Variants in CPNE8 observed in about 807,000 individuals in gnomAD.
CPNE8 encodes the protein copine-8.
CPNE8 carries 45 observed loss-of-function variants against 81.5 expected under a neutral mutation model. That is an observed-to-expected ratio of 0.55 (90% CI 0.44 to 0.71). The LOEUF is 0.71. Ranked by LOEUF, CPNE8 falls within the 30% of genes least tolerant of loss-of-function variation. The probability of loss-of-function intolerance (pLI) is 0.00; values close to 1 mark genes in which losing one functional copy is unlikely to be tolerated. For synonymous variants in CPNE8, 252 were observed against 226.3 expected, an observed-to-expected ratio of 1.11 and a Z score of -1.02; for missense variants, 594 against 672.1, an observed-to-expected ratio of 0.88 and a Z score of 1.28.
At chr12:38,678,864 A>G (rs1939348597) in intron 16 of CPNE8, among the ~76,000 whole-genome samples, 1 of 151,856 alleles carries the variant, frequency 6.6e-6, no homozygotes, top group Non-Finnish European at 1.5e-5. Flanking sequence ...ATATCCCCAT[A>G]ATACTGAACA....
intron 11 of CPNE8, among the ~76,000 whole-genome samples, chr12:38,728,203 A>G (rs931017175): frequency 2.6e-5 from 4 of 152,310 alleles, no homozygotes; most frequent in African/African-American, 9.6e-5. Flanking sequence ...AGTATAGCCC[A>G]CACTTTTCTA....
intron 10 of CPNE8, among the ~76,000 whole-genome samples, chr12:38,734,172 C>G (rs555623485): frequency 6.6e-6 from 1 of 152,074 alleles, no homozygotes; most frequent in African/African-American, 2.4e-5. Context: ...TCTCAGGATT[C>G]CCAGCATCCC....
chr12:38,797,848 G>A (rs1452439992), intron 6 of CPNE8, among the ~76,000 whole-genome samples: 4 of 152,130 alleles, frequency 2.6e-5, no homozygotes, highest in Non-Finnish European at 5.9e-5. Flanking sequence ...ACAGAAAAGT[G>A]CTTAAAGGAG....
At chr12:38,659,210 G>A (rs1938895110) in intron 19 of CPNE8, among the ~76,000 whole-genome samples, 1 of 115,502 alleles carries the variant, frequency 8.7e-6, no homozygotes. Context: ...GATCTACCAA[G>A]CAAATGGAAA....
chr12:38,727,079 T>C (rs1168705436), intron 11 of CPNE8, among the ~76,000 whole-genome samples: 1 of 152,160 alleles, frequency 6.6e-6, no homozygotes, highest in Non-Finnish European at 1.5e-5. Context: ...CTCTGCAAAG[T>C]TGCTTGTCCA....
chr12:38,891,777 C>T (rs1396315126), intron 1 of CPNE8, among the ~76,000 whole-genome samples: 2 of 152,300 alleles, frequency 1.3e-5, no homozygotes, highest in East Asian at 3.9e-4. Flanking sequence ...AGGGTATAAA[C>T]ATATAATGTA....
chr12:38,874,404 A>G (rs886817140), intron 2 of CPNE8, 67 bp downstream of exon 2: 1 of 1,162,746 alleles, frequency 8.6e-7, no homozygotes, highest in Non-Finnish European at 1.3e-6. Flanking sequence ...TTAAACAAGA[A>G]CTATGAGTTT....
chr12:38,698,373 T>G (rs1039161949), intron 14 of CPNE8, among the ~76,000 whole-genome samples: 2 of 152,232 alleles, frequency 1.3e-5, no homozygotes, highest in Admixed American at 1.3e-4. Flanking sequence ...ATTTTCTTGA[T>G]AGTGCCCTTC....
intron 1 of CPNE8, among the ~76,000 whole-genome samples, chr12:38,889,301 A>T (rs1278026972): frequency 6.6e-6 from 1 of 152,216 alleles, no homozygotes; most frequent in Non-Finnish European, 1.5e-5. Context: ...GGGCAAGTCA[A>T]TCTGAAGGAT....
At chr12:38,719,154 T>C (rs1043885779) in intron 13 of CPNE8, among the ~76,000 whole-genome samples, 1 of 152,142 alleles carries the variant, frequency 6.6e-6, no homozygotes, top group Admixed American at 6.6e-5. Flanking sequence ...ATTATATCCT[T>C]TTACAAATGG....
At chr12:38,777,505 G>A (rs1190486866) in intron 6 of CPNE8, among the ~76,000 whole-genome samples, 2 of 152,152 alleles carry the variant, frequency 1.3e-5, no homozygotes, top group South Asian at 2.1e-4. Flanking sequence ...TAACTATACA[G>A]TGTTTATAAA....
intron 1 of CPNE8, among the ~76,000 whole-genome samples, chr12:38,902,323 A>AGGAAGGAAGGAAGGAAGGAAG (rs1944482316): frequency 1.7e-5 from 1 of 59,446 alleles, no homozygotes; most frequent in Admixed American, 1.8e-4. Context: ...AAGGAAAGAA[A>AGGAAGGAAGGAAGGAAGGAAG]GAAAGAAAGA....
intron 15 of CPNE8, among the ~76,000 whole-genome samples, chr12:38,691,312 G>T (rs546441704): frequency 6.6e-6 from 1 of 152,086 alleles, no homozygotes; most frequent in Non-Finnish European, 1.5e-5. Context: ...TTTTCTCACC[G>T]TTGGTAATGA....
At chr12:38,799,745 C>G (rs998151642) in intron 6 of CPNE8, among the ~76,000 whole-genome samples, 2 of 146,728 alleles carry the variant, frequency 1.4e-5, no homozygotes, top group Non-Finnish European at 3.1e-5. Context: ...ATCTGAGGTA[C>G]CGGGTTCATC....
chr12:38,670,931 C>T, intron 18 of CPNE8, 129 bp from the exon 19 acceptor site: 1 of 580,730 alleles, frequency 1.7e-6, no homozygotes, highest in Non-Finnish European at 3.0e-6. Context: ...CATGTTGATC[C>T]CTTCATGTCT....
chr12:38,844,692 CTCTT>C (rs1464081756), intron 4 of CPNE8, among the ~76,000 whole-genome samples: 2 of 152,026 alleles, frequency 1.3e-5, no homozygotes, highest in Non-Finnish European at 2.9e-5. Flanking sequence ...TTGTCTCTAT[CTCTT>C]TCTCTCTCTT....
At chr12:38,867,436 G>T (rs1354425647) in intron 3 of CPNE8, among the ~76,000 whole-genome samples, 31 of 148,982 alleles carry the variant, frequency 2.1e-4, no homozygotes, top group Non-Finnish European at 7.4e-5. Context: ...TGTTAAAATA[G>T]CTCAGTGTCA....
At chr12:38,755,257 C>G (rs1941432734) in intron 10 of CPNE8, among the ~76,000 whole-genome samples, 1 of 152,092 alleles carries the variant, frequency 6.6e-6, no homozygotes, top group African/African-American at 2.4e-5. Flanking sequence ...GAAACTTTTA[C>G]TCTCTCTGTT....
At chr12:38,769,932 G>GTT (rs1941767266) in intron 7 of CPNE8, among the ~76,000 whole-genome samples, 1 of 152,022 alleles carries the variant, frequency 6.6e-6, no homozygotes, top group South Asian at 2.1e-4. Flanking sequence ...CAATTACTCA[G>GTT]GTTAACAACT....
Sources: allele counts gnomAD v4.1 joint callset (sites outside exome capture counted in the v4.1 genomes callset), GRCh38; gene constraint gnomAD v4.1.1; transcripts MANE v1.5; gene names NCBI Gene and HGNC (gene_info 2026-07-23, HGNC 2026-07-21).